DPH6: variants seen among roughly 807,000 people sequenced by gnomAD.
DPH6 encodes the protein diphthamine biosynthesis 6.
A neutral mutation model predicts 38.2 loss-of-function variants in DPH6; 33 were observed. That is an observed-to-expected ratio of 0.86 (90% confidence interval 0.65 to 1.15). DPH6 has a LOEUF of 1.15. Among genes scored for constraint, DPH6 ranks in the 50% most tolerant of loss-of-function variants. The pLI is 0.00. For synonymous variants in DPH6, 108 were observed against 103.0 expected (o/e 1.05, Z -0.30); for missense variants, 325 against 320.0 (o/e 1.02, Z -0.12).
the DPH6 span, among the ~76,000 whole-genome samples, chr15:35,159,668 T>C: frequency 1.2e-4 from 18 of 152,156 alleles, no homozygotes; most frequent in African/African-American, 3.4e-4. Flanking sequence ...CTCAAAGAAC[T>C]GAGAACTACC....
At chr15:35,182,980 T>G in the DPH6 span, among the ~76,000 whole-genome samples, 5 of 152,190 alleles carry the variant, frequency 3.3e-5, no homozygotes, top group Admixed American at 1.3e-4. Flanking sequence ...AAACAAAGAC[T>G]ACAACTCCTG....
intron 3 of DPH6, among the ~76,000 whole-genome samples, chr15:35,314,351 T>C (rs2052169590): frequency 6.6e-6 from 1 of 152,250 alleles, no homozygotes; most frequent in African/African-American, 2.4e-5. Context: ...TTTTTGCTAA[T>C]GACTTATTAC....
chr15:35,491,774 T>C (rs2054483816), intron 3 of DPH6, among the ~76,000 whole-genome samples: 1 of 150,656 alleles, frequency 6.6e-6, no homozygotes, highest in South Asian at 2.1e-4. Flanking sequence ...TATAAATATA[T>C]GTATAGACAT....
At chr15:35,161,373 C>T in the DPH6 span, among the ~76,000 whole-genome samples, 1 of 151,408 alleles carries the variant, frequency 6.6e-6, no homozygotes, top group East Asian at 2.0e-4. Context: ...CAGATTTATA[C>T]CTCCCACCTC....
At position 35,496,503 on chromosome 15, in the gene DPH6, T is replaced by C. The variant is rs149126147; in HGVS notation, c.313-41683A>G. On this transcript the variant is annotated intron_variant, in intron 3 of 8. Transcript: ENST00000256538. ...CCGGGAGGCGGAGGTTGCAGTGAGCTGAAATTGGGCTATTGCACTCCGGCC... is the reference window on the plus strand; with the variant it reads ...CCGGGAGGCGGAGGTTGCAGTGAGCCGAAATTGGGCTATTGCACTCCGGCC... Among the ~76,000 whole-genome samples, 1,110 of 138,878 alleles carry C rather than the reference T, an allele frequency of 8.0e-3. 29 individuals carry two copies. Among genetic ancestry groups the C allele is most frequent in the African/African-American group, 0.028 (1,055 of 37,082 alleles). 91.1% of individuals were successfully genotyped at this position (138,878 alleles called of 152,430 possible).
chr15:35,277,864 T>C lies in DPH6; in HGVS notation n.201-57282A>G, dbSNP rs894252125. 8.5e-5 allele frequency among the ~76,000 whole-genome samples: 13 copies of C among 152,272 alleles called. No individual in the cohort carries two copies. The South Asian group carries it at 1.7e-3, about 19-fold the overall frequency. ...CAGAAGAAATTTCTAAGCAGCAAAG[T>C]GTTCAAGATGTGGCCTGGCTGCTTC... On this transcript the variant is annotated intron_variant and non_coding_transcript_variant, in intron 3 of 3. Coordinates refer to the DPH6 transcript ENST00000560386.
At chr15:35,172,033 A>T in the DPH6 span, among the ~76,000 whole-genome samples, 2 of 151,864 alleles carry the variant, frequency 1.3e-5, no homozygotes, top group Non-Finnish European at 2.9e-5. Context: ...ACACCTGGCT[A>T]ATTTTTGTAT....
intron 3 of DPH6, among the ~76,000 whole-genome samples, chr15:35,528,638 T>G (rs1267526750): frequency 6.6e-6 from 1 of 152,182 alleles, no homozygotes; most frequent in Non-Finnish European, 1.5e-5. Context: ...TCTAATCCAT[T>G]TCTTGTATTA....
At chr15:35,225,038 A>G (rs929914743) in intron 3 of DPH6, among the ~76,000 whole-genome samples, 3 of 152,230 alleles carry the variant, frequency 2.0e-5, no homozygotes, top group Non-Finnish European at 1.5e-5. Context: ...CCCATCCAGG[A>G]TAACACATTG....
intron 3 of DPH6, among the ~76,000 whole-genome samples, chr15:35,351,723 T>C (rs1018312423): frequency 2.0e-5 from 3 of 150,020 alleles, no homozygotes; most frequent in African/African-American, 4.9e-5. Flanking sequence ...CAGACTTCTT[T>C]TTTTTTTTTT....
chr15:35,183,945 T>C, the DPH6 span, among the ~76,000 whole-genome samples: 2 of 152,174 alleles, frequency 1.3e-5, no homozygotes, highest in Non-Finnish European at 2.9e-5. Flanking sequence ...GGGCTAAAAG[T>C]AGTACTTAGA....
chr15:35,351,332 T>C (rs1395699895), intron 3 of DPH6, among the ~76,000 whole-genome samples: 1 of 152,176 alleles, frequency 6.6e-6, no homozygotes. Context: ...TATAGTTGGA[T>C]TGTGTTGTTT....
intron 3 of DPH6, among the ~76,000 whole-genome samples, chr15:35,464,351 C>G (rs2054102865): frequency 6.6e-6 from 1 of 151,346 alleles, no homozygotes; most frequent in Admixed American, 6.6e-5. Flanking sequence ...TATAACAGAC[C>G]ACAAGGGAGA....
chr15:35,350,211 T>A (rs1398135589), intron 3 of DPH6, among the ~76,000 whole-genome samples: 3 of 152,118 alleles, frequency 2.0e-5, no homozygotes, highest in Non-Finnish European at 4.4e-5. Context: ...TTTGAAGTTG[T>A]CAAATTTTAT....
chr15:35,411,513 T>C (rs2053366512), intron 5 of DPH6, among the ~76,000 whole-genome samples: 1 of 151,642 alleles, frequency 6.6e-6, no homozygotes, highest in Non-Finnish European at 1.5e-5. Context: ...CAATAGCGTG[T>C]GCGTAACCTT....
At chr15:35,413,011 G>A (rs369166880) in intron 5 of DPH6, among the ~76,000 whole-genome samples, 5 of 122,576 alleles carry the variant, frequency 4.1e-5, no homozygotes. Flanking sequence ...GTCATTGTAA[G>A]TTCAACAATT....
At chr15:35,186,448 GA>G in the DPH6 span, among the ~76,000 whole-genome samples, 1 of 152,146 alleles carries the variant, frequency 6.6e-6, no homozygotes, top group East Asian at 1.9e-4. Context: ...TAAGGTGTAA[GA>G]GGGCTCTTAA....
chr15:35,229,145 G>A (rs972284754), intron 3 of DPH6, among the ~76,000 whole-genome samples: 12 of 151,926 alleles, frequency 7.9e-5, no homozygotes, highest in Admixed American at 2.0e-4. Flanking sequence ...TATCCCTATC[G>A]ATTTCCCTAC....
the DPH6 span, among the ~76,000 whole-genome samples, chr15:35,169,446 A>G: frequency 1.3e-5 from 2 of 152,178 alleles, no homozygotes; most frequent in African/African-American, 2.4e-5. Context: ...ATTTATTAGT[A>G]TAGTCTCTGT....
Sources: gnomAD v4.1 joint callset for allele counts (sites outside exome capture counted in the v4.1 genomes callset) on GRCh38, gnomAD v4.1.1 for gene constraint, MANE v1.5 for transcripts, NCBI Gene and HGNC (gene_info 2026-07-23, HGNC 2026-07-21) for gene names.